The following ERI1 variants were observed in gnomAD, a reference collection of about 807,000 sequenced individuals.
ERI1 encodes the protein 3'-5' exoribonuclease 1.
ERI1 carries 39 observed loss-of-function variants against 39.7 expected under a neutral mutation model. The ratio of observed to expected loss-of-function variants is 0.98; its 90% CI spans 0.76 to 1.28. The LOEUF is 1.28. Ranked by LOEUF, ERI1 falls within the 50% of genes most tolerant of loss-of-function variation. The pLI is 0.00. For missense variants in ERI1, 581 were observed against 416.9 expected (o/e 1.39, Z -3.43); for synonymous variants, 204 against 149.6 (o/e 1.36, Z -2.65).
At position 9,024,407 on chromosome 8, in the gene ERI1, CTCTTTTCTTT is replaced by C. The variant is rs535713484; in HGVS notation, c.807+3964_807+3973del. Among the ~76,000 whole-genome samples the C allele has an allele frequency of 3.2e-3, 482 of 151,160 alleles. 7 individuals carry two copies. The highest frequency in any genetic ancestry group is 0.027 in the East Asian group (141 of 5,170). On this transcript the variant is annotated intron_variant, in intron 6 of 6. Coordinates refer to ENST00000250263, the MANE Select transcript of ERI1 (RefSeq NM_153332.4). ...TCTTTTTGCTTTTCTCTTCTTTTTTCTCTTTTCTTTTCTTTTCTTTTCTTTTCTTTCAAGA... is the reference window on the plus strand; with the variant it reads ...TCTTTTTGCTTTTCTCTTCTTTTTTCTCTTTTCTTTTCTTTTCTTTCAAGA...
chr8:9,029,824 G>C lies in ERI1; in HGVS notation c.840G>C (p.Met280Ile). 6.2e-7 allele frequency: 1 copy of C among 1,614,146 alleles called. No individual in the cohort carries two copies. Reference protein sequence around the residue: ...VPRSQTKLTIMLEKLGMDYDG... With the variant: ...VPRSQTKLTIILEKLGMDYDG... ...GAAGCCAAACCAAACTGACAATAAT[G>C]CTTGAAAAATTAGGAATGGATTATG... The change falls in exon 7 of 7, where the codon ATG becomes ATC. Residue 280 changes from methionine (M) to isoleucine (I), a missense_variant. Transcript: ENST00000250263.
At chr8:9,050,488 C>G (rs185293664) in intron 3 of ERI1, among the ~76,000 whole-genome samples, 23 of 131,336 alleles carry the variant, frequency 1.8e-4, no homozygotes, top group Non-Finnish European at 3.3e-4. Flanking sequence ...GCCTGGGCAA[C>G]AAGAGTGAAA....
chr8:9,018,381 T>C lies in ERI1; in HGVS notation c.667T>C (p.Tyr223His). ...GAAATTGAAGGAATTAGGAACAAAG[T>C]ATAAATACTCACTTTTAACAGATGG... is the stretch of plus-strand genomic sequence containing the variant. ...WMKLKELGTK[Y>H]KYSLLTDGSW... Residue 223 changes from tyrosine to histidine, a missense_variant, in exon 5 of 7, where the codon TAT (tyrosine) becomes CAT (histidine). Physicochemically the swap from Tyr to His is moderately conservative, Grantham distance 83. Transcript: ENST00000250263. 6.3e-7 allele frequency: 1 copy of C among 1,595,546 alleles called. No individual in the cohort carries two copies. The highest frequency in any genetic ancestry group is 8.6e-7 in the Non-Finnish European group (1 of 1,163,792).
rs200782753 is a variant in ERI1, at chr8:9,008,122, G to A, written c.261G>A (p.Lys87=). Residue 87 remains lysine (K), a synonymous_variant, in exon 2 of 7, where the codon AAG becomes AAA. Coordinates refer to ENST00000250263, the MANE Select transcript of ERI1 (RefSeq NM_153332.4). The part of the protein sequence containing the change: ...NRMSKEELRA[K]LSEFKLETRG... Reference sequence around the variant, plus strand: ...TGAGTAAGGAAGAACTCAGAGCTAAGCTTTCAGAATTCAAGCTTGAAACTA... The same window carrying A: ...TGAGTAAGGAAGAACTCAGAGCTAAACTTTCAGAATTCAAGCTTGAAACTA... The A allele has an allele frequency of 2.5e-6, 4 of 1,595,662 alleles. No homozygotes were observed. The East Asian group carries it at 6.7e-5, about 27-fold the overall frequency.
intron 3 of ERI1, among the ~76,000 whole-genome samples, chr8:9,067,663 A>G (rs1798923866): frequency 6.6e-6 from 1 of 151,624 alleles, no homozygotes; most frequent in Non-Finnish European, 1.5e-5. Flanking sequence ...TAAAAAAAAA[A>G]AAAAAAAGGT....
chr8:9,057,070 T>G (rs1798531084), intron 3 of ERI1, among the ~76,000 whole-genome samples: 1 of 152,190 alleles, frequency 6.6e-6, no homozygotes, highest in Non-Finnish European at 1.5e-5. Context: ...TGACCTCAAG[T>G]GATCTGCCTG....
At chr8:9,081,059 G>A (rs1434707859) in intron 3 of ERI1, among the ~76,000 whole-genome samples, 2 of 152,228 alleles carry the variant, frequency 1.3e-5, no homozygotes, top group Middle Eastern at 3.2e-3. Context: ...GGTGGAAGGT[G>A]AAGGGGAAGC....
At chr8:9,055,001 G>A (rs940804827) in intron 3 of ERI1, among the ~76,000 whole-genome samples, 4 of 152,294 alleles carry the variant, frequency 2.6e-5, no homozygotes, top group African/African-American at 9.6e-5. Flanking sequence ...GGTATGAACT[G>A]TTAAAAGAAA....
In ERI1 at chr8:9,050,815, A is replaced by G. The variant is rs77033789; in HGVS notation, n.299+30351A>G. Among the ~76,000 whole-genome samples, 30 of 152,262 alleles carry G rather than the reference A, an allele frequency of 2.0e-4. No homozygotes were observed. In the East Asian group the frequency reaches 4.8e-3, roughly 25 times the overall value. On this transcript the variant is annotated intron_variant and non_coding_transcript_variant, in intron 3 of 3. Transcript: ENST00000518663. Reference sequence around the variant, plus strand: ...TCCGGGCCTCTTCCTTCTTTATGCAATAAAAATAACAGCATCATTCCTATT... The same window carrying G: ...TCCGGGCCTCTTCCTTCTTTATGCAGTAAAAATAACAGCATCATTCCTATT...
intron 1 of ERI1, chr8:9,004,172 T>TG (rs1214702833): frequency 3.9e-6 from 5 of 1,288,732 alleles, no homozygotes; most frequent in Non-Finnish European, 5.1e-6. Context: ...TTTGGATCCT[T>TG]GCAATTATCT....
intron 3 of ERI1, among the ~76,000 whole-genome samples, chr8:9,076,771 A>G (rs1272026325): frequency 1.3e-5 from 2 of 152,254 alleles, no homozygotes; most frequent in African/African-American, 4.8e-5. Flanking sequence ...TGAGGACAGG[A>G]GGGCTGCCAA....
intron 3 of ERI1, chr8:9,091,437 C>T (rs1012470634): frequency 2.0e-5 from 3 of 151,544 alleles, no homozygotes; most frequent in African/African-American, 7.3e-5. Context: ...AGGAGAATGG[C>T]TTGCACCCAG....
chr8:9,070,649 T>G (rs1343554360), intron 3 of ERI1, among the ~76,000 whole-genome samples: 1 of 152,240 alleles, frequency 6.6e-6, no homozygotes, highest in African/African-American at 2.4e-5. Flanking sequence ...CAGGAGTCAT[T>G]GCTCATAAGG....
At chr8:9,099,587 ACT>A (rs1420506185) in intron 3 of ERI1, among the ~76,000 whole-genome samples, 1 of 143,292 alleles carries the variant, frequency 7.0e-6, no homozygotes, top group African/African-American at 2.7e-5. Flanking sequence ...AGAGCGGGAC[ACT>A]CTCTCTCTCA....
At chr8:9,013,158 G>C (rs1036069453) in intron 3 of ERI1, among the ~76,000 whole-genome samples, 1 of 151,830 alleles carries the variant, frequency 6.6e-6, no homozygotes, top group Non-Finnish European at 1.5e-5. Context: ...GGGAATACAG[G>C]TGTGTGTCAC....
At chr8:9,039,796 G>T (rs1000398162) in intron 3 of ERI1, among the ~76,000 whole-genome samples, 2 of 152,122 alleles carry the variant, frequency 1.3e-5, no homozygotes, top group African/African-American at 2.4e-5. Context: ...TTTATTTTCT[G>T]TTAAGAGGTA....
chr8:9,016,694 A>T (rs1463189625), intron 4 of ERI1, among the ~76,000 whole-genome samples: 1 of 152,020 alleles, frequency 6.6e-6, no homozygotes, highest in Non-Finnish European at 1.5e-5. Flanking sequence ...TGTTTGATTT[A>T]TTTATTTTTT....
chr8:9,091,134 A>C (rs1799688885), intron 3 of ERI1: 1 of 152,214 alleles, frequency 6.6e-6, no homozygotes, highest in African/African-American at 2.4e-5. Flanking sequence ...TTTTTCAAGA[A>C]CACCCAGAAA....
Position 9,011,873 on chromosome 8 carries a change from T to C in ERI1, c.498+121T>C, listed in dbSNP as rs1816709487. 15 of 683,604 alleles carry C rather than the reference T, an allele frequency of 2.2e-5. No individual in the cohort carries two copies. The South Asian group carries it at 3.6e-4, about 16-fold the overall frequency. 42.3% of individuals were successfully genotyped at this position (683,604 alleles called of 1,614,324 possible). A position where few individuals can be genotyped will look rare whatever the true frequency, so the allele number is the denominator to read the frequency against. ...TTAGACTTCTAAAGTAAGTTTTTTC[T>C]TTGCCATGAACTTTATATCAGCTTG... On this transcript the variant is annotated intron_variant, in intron 3 of 6. Transcript: ENST00000250263.
Sources: allele counts gnomAD v4.1 joint callset (sites outside exome capture counted in the v4.1 genomes callset), GRCh38; gene constraint gnomAD v4.1.1; transcripts MANE v1.5; gene names NCBI Gene and HGNC (gene_info 2026-07-23, HGNC 2026-07-21).